Variants in DCC observed in about 807,000 individuals in gnomAD.
DCC encodes the protein netrin receptor DCC.
A neutral mutation model predicts 172.5 loss-of-function variants in DCC; 58 were observed. The ratio of observed to expected loss-of-function variants is 0.34; its 90% confidence interval spans 0.27 to 0.42. The LOEUF (loss-of-function observed/expected upper bound fraction) is 0.42. DCC is among the 10% of genes least tolerant of loss of function. The pLI, the probability that DCC is intolerant of heterozygous loss-of-function variation, is 1.00. For missense variants in DCC, 1,740 were observed against 1,791.0 expected (o/e 0.97, Z 0.51); for synonymous variants, 709 against 644.5 (o/e 1.10, Z -1.52).
At chr18:53,215,618 C>A in intron 12 of DCC, 21 bp downstream of exon 12, 2 of 1,593,072 alleles carry the variant, frequency 1.3e-6, no homozygotes, top group Non-Finnish European at 1.7e-6. Context: ...TAAATGTTCA[C>A]TACTCCATTA....
chr18:52,863,819 ACTGT>A lies in DCC; in HGVS notation c.413-42220_413-42217del, dbSNP rs558661003. Among the ~76,000 whole-genome samples the A allele has an allele frequency of 1.4e-4, 21 of 152,170 alleles. No homozygotes were observed. The East Asian group carries it at 2.3e-3, about 17-fold the overall frequency. On this transcript the variant is annotated intron_variant, in intron 2 of 28. Coordinates refer to ENST00000442544, the MANE Select transcript of DCC (RefSeq NM_005215.4). Reference sequence around the variant, plus strand: ...ATTTTCTATTAATCATTTTTGTATTACTGTCTGTTAGGCAAGTATCATAAAAGCA... The same window carrying A: ...ATTTTCTATTAATCATTTTTGTATTACTGTTAGGCAAGTATCATAAAAGCA...
intron 9 of DCC, among the ~76,000 whole-genome samples, chr18:53,196,407 C>A (rs1293941156): frequency 6.6e-6 from 1 of 152,172 alleles, no homozygotes; most frequent in African/African-American, 2.4e-5. Context: ...ACATACTTCA[C>A]AAGGTTATTA....
At chr18:53,105,076 T>G (rs2043225345) in intron 7 of DCC, among the ~76,000 whole-genome samples, 1 of 152,052 alleles carries the variant, frequency 6.6e-6, no homozygotes, top group Non-Finnish European at 1.5e-5. Context: ...TTTGGAGATT[T>G]GTAAATTAAA....
intron 2 of DCC, among the ~76,000 whole-genome samples, chr18:52,828,208 A>T (rs771433347): frequency 1.2e-4 from 18 of 152,192 alleles, no homozygotes; most frequent in Non-Finnish European, 2.4e-4. Context: ...CTACACAGCC[A>T]TGTCTCCTTC....
intron 2 of DCC, among the ~76,000 whole-genome samples, chr18:52,761,654 G>GCA (rs886941124): frequency 2.0e-5 from 3 of 151,506 alleles, no homozygotes; most frequent in East Asian, 1.9e-4. Context: ...ACAAACCCAT[G>GCA]CACACACACA....
intron 1 of DCC, among the ~76,000 whole-genome samples, chr18:52,631,909 A>C (rs958351156): frequency 2.0e-5 from 3 of 152,182 alleles, no homozygotes; most frequent in African/African-American, 4.8e-5. Context: ...AGTGGCATTA[A>C]GGTAAAGAAA....
intron 5 of DCC, among the ~76,000 whole-genome samples, chr18:53,026,017 G>T (rs188715235): frequency 3.3e-5 from 5 of 151,992 alleles, no homozygotes; most frequent in African/African-American, 1.2e-4. Context: ...CACAGAAAAT[G>T]TTCCAATTCA....
intron 5 of DCC, among the ~76,000 whole-genome samples, chr18:53,028,456 C>T (rs574304523): frequency 6.6e-6 from 1 of 152,170 alleles, no homozygotes; most frequent in South Asian, 2.1e-4. Context: ...TAGCTAACTG[C>T]ACAAAATTAC....
At chr18:53,407,465 C>G (rs1158169599) in intron 19 of DCC, among the ~76,000 whole-genome samples, 1 of 142,850 alleles carries the variant, frequency 7.0e-6, no homozygotes, top group Non-Finnish European at 1.5e-5. Flanking sequence ...TATATATATA[C>G]AAATTTTATA....
intron 1 of DCC, among the ~76,000 whole-genome samples, chr18:52,590,952 TAC>T (rs1301072695): frequency 6.6e-6 from 1 of 152,218 alleles, no homozygotes. Context: ...TGTCTTCACA[TAC>T]ATTTTTCCTT....
chr18:52,507,779 T>C (rs2031285032), intron 1 of DCC, among the ~76,000 whole-genome samples: 2 of 152,270 alleles, frequency 1.3e-5, no homozygotes, highest in South Asian at 4.1e-4. Flanking sequence ...TCTTTTTTTC[T>C]GGTTTCCCTC....
At chr18:53,373,000 G>A (rs1172359872) in intron 15 of DCC, among the ~76,000 whole-genome samples, 1 of 152,130 alleles carries the variant, frequency 6.6e-6, no homozygotes. Flanking sequence ...AAAGGCTAAA[G>A]AAAGCTGAGC....
intron 5 of DCC, among the ~76,000 whole-genome samples, chr18:52,962,207 T>C (rs12953845): frequency 0.43 from 64,724 of 150,414 alleles, 14,443 homozygotes; most frequent in Middle Eastern, 0.51. Context: ...ACAACCTACT[T>C]ATCTGACAAA....
chr18:52,392,677 TG>T, intron 1 of DCC, among the ~76,000 whole-genome samples: 1 of 152,198 alleles, frequency 6.6e-6, no homozygotes, highest in Admixed American at 6.5e-5. Context: ...CTAATGCCTT[TG>T]TCTGTGATCC....
At chr18:52,580,224 A>G (rs886398489) in intron 1 of DCC, among the ~76,000 whole-genome samples, 1 of 152,214 alleles carries the variant, frequency 6.6e-6, no homozygotes, top group African/African-American at 2.4e-5. Context: ...CTTAAGGCCC[A>G]ATCAGAATCA....
At chr18:52,912,948 AAT>A (rs1323716162) in intron 3 of DCC, among the ~76,000 whole-genome samples, 1 of 152,104 alleles carries the variant, frequency 6.6e-6, no homozygotes. Context: ...AATTTTATGA[AAT>A]ATGAGATTGT....
chr18:53,413,393 G>C (rs1222833531), intron 20 of DCC, among the ~76,000 whole-genome samples: 1 of 152,164 alleles, frequency 6.6e-6, no homozygotes, highest in Admixed American at 6.6e-5. Context: ...CTTGACAAAT[G>C]ATAGAAACAT....
intron 8 of DCC, among the ~76,000 whole-genome samples, chr18:53,177,073 G>A (rs866699488): frequency 5.1e-4 from 78 of 151,510 alleles, no homozygotes; most frequent in African/African-American, 1.2e-3. Context: ...GTAAACTATC[G>A]CAAGAACAAA....
intron 1 of DCC, among the ~76,000 whole-genome samples, chr18:52,526,747 A>C (rs980926572): frequency 2.8e-4 from 42 of 152,254 alleles, no homozygotes; most frequent in African/African-American, 9.9e-4. Flanking sequence ...TGGGCTTTTA[A>C]TGTATTTCTA....
Sources: allele counts gnomAD v4.1 joint callset (sites outside exome capture counted in the v4.1 genomes callset), GRCh38; gene constraint gnomAD v4.1.1; transcripts MANE v1.5; gene names NCBI Gene and HGNC (gene_info 2026-07-23, HGNC 2026-07-21).